Variants in PPP2R5A observed in about 807,000 individuals in gnomAD.
The protein encoded by PPP2R5A is serine/threonine-protein phosphatase 2A 56 kDa regulatory subunit alpha isoform.
Under a neutral mutation model 64.2 loss-of-function variants are expected in PPP2R5A, and 25 were observed. The observed-to-expected ratio is 0.39, with a 90% CI of 0.28 to 0.54. The LOEUF is 0.54. Ranked by LOEUF, PPP2R5A falls within the 20% of genes least tolerant of loss-of-function variation. The pLI is 0.67. For missense variants in PPP2R5A, 425 were observed against 576.3 expected, an observed-to-expected ratio of 0.74 and a Z score of 2.69; for synonymous variants, 198 against 201.2, an observed-to-expected ratio of 0.98 and a Z score of 0.13.
At chr1:212,354,556 C>T (rs1442177639) in intron 8 of PPP2R5A, among the ~76,000 whole-genome samples, 1 of 151,242 alleles carries the variant, frequency 6.6e-6, no homozygotes, top group East Asian at 1.9e-4. Context: ...TGGTGGCATA[C>T]ACCCGTAGTC....
chr1:212,305,189 A>G (rs1483009760), intron 1 of PPP2R5A, among the ~76,000 whole-genome samples: 1 of 149,824 alleles, frequency 6.7e-6, no homozygotes, highest in Non-Finnish European at 1.5e-5. Flanking sequence ...GGCGCCCGCT[A>G]CCACGCCTGG....
rs185111595 is a variant in PPP2R5A at position 212,359,403 on chromosome 1, A to G, written c.1328+616A>G. On this transcript the variant is annotated intron_variant, in intron 12 of 12. Coordinates refer to ENST00000261461, the MANE Select transcript of PPP2R5A (RefSeq NM_006243.4). ...ATTAATATGTTGTCCTTGCAATAAT[A>G]TGTATTTTAGAGTATAAATGTTAGC... 3.3e-5 allele frequency among the ~76,000 whole-genome samples: 5 copies of G among 152,324 alleles called. No homozygotes were observed. The East Asian group carries it at 5.8e-4, about 18-fold the overall frequency.
intron 1 of PPP2R5A, among the ~76,000 whole-genome samples, chr1:212,305,197 TG>T (rs1051677819): frequency 1.3e-5 from 2 of 151,644 alleles, no homozygotes; most frequent in African/African-American, 4.8e-5. Flanking sequence ...CTACCACGCC[TG>T]GCTAATGTTT....
At chr1:212,289,268 T>C (rs976716053) in intron 1 of PPP2R5A, among the ~76,000 whole-genome samples, 1 of 152,232 alleles carries the variant, frequency 6.6e-6, no homozygotes, top group African/African-American at 2.4e-5. Context: ...TAACCCTTAA[T>C]CCCTGTGTAT....
intron 2 of PPP2R5A, 51 bp downstream of exon 2, chr1:212,329,382 G>C (rs760861730): frequency 1.5e-6 from 2 of 1,352,778 alleles, no homozygotes; most frequent in Non-Finnish European, 2.0e-6. Context: ...TAAGATCTGA[G>C]GTATAATAAT....
In PPP2R5A at chr1:212,350,885, C is replaced by G. The variant is rs987793658; in HGVS notation, c.927+1643C>G. Among the ~76,000 whole-genome samples, 4 of 151,358 alleles carry G rather than the reference C, an allele frequency of 2.6e-5. No individual in the cohort carries two copies. The South Asian group carries it at 8.3e-4, about 31-fold the overall frequency. On this transcript the variant is annotated intron_variant, in intron 8 of 12. Transcript: ENST00000261461. ...GGGCATGGTGGTTCATGCCTGTAATCCCAGCACTTTGGGAGGCCGAGGCAG... is the reference window on the plus strand; with the variant it reads ...GGGCATGGTGGTTCATGCCTGTAATGCCAGCACTTTGGGAGGCCGAGGCAG...
At chr1:212,316,160 T>C (rs967526927) in intron 1 of PPP2R5A, among the ~76,000 whole-genome samples, 1 of 152,210 alleles carries the variant, frequency 6.6e-6, no homozygotes, top group Non-Finnish European at 1.5e-5. Flanking sequence ...CACCTCACTT[T>C]AAATCAGAAG....
At chr1:212,328,668 A>ATT (rs1659448923) in intron 1 of PPP2R5A, among the ~76,000 whole-genome samples, 1 of 152,208 alleles carries the variant, frequency 6.6e-6, no homozygotes, top group African/African-American at 2.4e-5. Flanking sequence ...GGTAATGGTT[A>ATT]TGGGACCAGA....
chr1:212,358,922 A>C, intron 12 of PPP2R5A, 135 bp downstream of exon 12: 1 of 568,588 alleles, frequency 1.8e-6, no homozygotes, highest in Non-Finnish European at 3.0e-6. Flanking sequence ...AAACATTACA[A>C]TGTGAAAGTC....
chr1:212,299,756 T>C (rs1658766053), intron 1 of PPP2R5A: 1 of 152,116 alleles, frequency 6.6e-6, no homozygotes, highest in Non-Finnish European at 1.5e-5. Context: ...GTAGCAAATA[T>C]GACAATGAAG....
At position 212,309,526 on chromosome 1, in the gene PPP2R5A, A is replaced by G. The variant is rs1489419118; in HGVS notation, c.182-19609A>G. The G allele has an allele frequency of 4.0e-6, 3 of 750,202 alleles. No individual in the cohort carries two copies. The African/African-American group carries it at 5.2e-5, about 13-fold the overall frequency. The allele number at this position is 750,202 out of a possible 1,614,324, so 46.5% of individuals were successfully genotyped here. Reference sequence around the variant, plus strand: ...CTTCGCTTTCGGCGCCATCTTGTGAAAAGCCCTTCTTTACTTCTTTAATCA... The same window carrying G: ...CTTCGCTTTCGGCGCCATCTTGTGAGAAGCCCTTCTTTACTTCTTTAATCA... On this transcript the variant is annotated intron_variant, in intron 1 of 12. Transcript: ENST00000261461.
intron 8 of PPP2R5A, 139 bp from the exon 9 acceptor site, chr1:212,356,487 G>T (rs1314589171): frequency 9.3e-6 from 7 of 753,298 alleles, no homozygotes; most frequent in Non-Finnish European, 1.4e-5. Context: ...AAGCTGAGCA[G>T]AAAGTCTATT....
At chr1:212,351,913 G>A (rs1051712899) in intron 8 of PPP2R5A, among the ~76,000 whole-genome samples, 7 of 151,312 alleles carry the variant, frequency 4.6e-5, no homozygotes, top group African/African-American at 1.5e-4. Context: ...ACAAAACACC[G>A]TTCTTATTCC....
chr1:212,328,437 C>G (rs577467300), intron 1 of PPP2R5A, among the ~76,000 whole-genome samples: 3 of 152,234 alleles, frequency 2.0e-5, no homozygotes, highest in South Asian at 2.1e-4. Flanking sequence ...GTGTAATCTT[C>G]AGGGAACTAC....
intron 3 of PPP2R5A, among the ~76,000 whole-genome samples, chr1:212,335,023 T>C (rs1659566586): frequency 6.6e-6 from 1 of 152,178 alleles, no homozygotes; most frequent in Admixed American, 6.5e-5. Context: ...TTTATGTGTA[T>C]GTTGCTATAC....
At chr1:212,304,669 C>G (rs1375351628) in intron 1 of PPP2R5A, among the ~76,000 whole-genome samples, 1 of 151,654 alleles carries the variant, frequency 6.6e-6, no homozygotes, top group Non-Finnish European at 1.5e-5. Flanking sequence ...CAAAGGGATC[C>G]TTGTTGCCTA....
Position 212,361,724 on chromosome 1 carries a change from G to GTATT in PPP2R5A, c.*956_*959dup, listed in dbSNP as rs1660086829. ...GTCTTGTATGTTTTTACTTGGTCAA[G>GTATT]TATTTCTCACATCTTTTGTTATCAG... On this transcript the variant is annotated 3_prime_UTR_variant, in exon 13 of 13. Coordinates refer to ENST00000261461, the MANE Select transcript of PPP2R5A (RefSeq NM_006243.4). 6.5e-6 allele frequency: 1 copy of GTATT among 152,676 alleles called. No individual in the cohort carries two copies. The highest frequency in any genetic ancestry group is 2.1e-4 in the South Asian group (1 of 4,834). The allele number at this position is 152,676 out of a possible 1,614,324, so 9.5% of individuals were successfully genotyped here. A position where few individuals can be genotyped will look rare whatever the true frequency, so the allele number is the denominator to read the frequency against.
In PPP2R5A at chr1:212,286,054, C is replaced by T. The variant is rs1053636608; in HGVS notation, c.-57C>T. 75 of 1,456,834 alleles carry T rather than the reference C, an allele frequency of 5.1e-5. 1 individual carries two copies. The highest frequency in any genetic ancestry group is 6.5e-5 in the Non-Finnish European group (72 of 1,107,860). 90.2% of individuals were successfully genotyped at this position (1,456,834 alleles called of 1,614,324 possible). A position where few individuals can be genotyped will look rare whatever the true frequency, so the allele number is the denominator to read the frequency against. ...CCCCCGCCTCCTCCTGCCGTCTCCG[C>T]CGCTGCCCGTGCCTTGCAAGCAGCA... On this transcript the variant is annotated 5_prime_UTR_variant, in exon 1 of 13. Coordinates refer to ENST00000261461, the MANE Select transcript of PPP2R5A (RefSeq NM_006243.4).
intron 1 of PPP2R5A, among the ~76,000 whole-genome samples, chr1:212,305,193 C>T (rs994505726): frequency 5.3e-5 from 8 of 151,168 alleles, no homozygotes; most frequent in Non-Finnish European, 7.4e-5. Context: ...CCCGCTACCA[C>T]GCCTGGCTAA....
Sources: allele counts gnomAD v4.1 joint callset (sites outside exome capture counted in the v4.1 genomes callset), GRCh38; gene constraint gnomAD v4.1.1; transcripts MANE v1.5; gene names NCBI Gene and HGNC (gene_info 2026-07-23, HGNC 2026-07-21).